The following B3GALT1 variants were observed in gnomAD, a reference collection of about 807,000 sequenced individuals.
B3GALT1 encodes UDP-Gal:betaGlcNAc beta 1,3-galactosyltransferase, polypeptide 1.
In B3GALT1, 10 loss-of-function variants were observed where a neutral mutation model predicts 23.2. The ratio of observed to expected loss-of-function variants is 0.43; its 90% CI spans 0.27 to 0.73. The LOEUF (loss-of-function observed/expected upper bound fraction) is 0.73, where lower values mean the gene tolerates loss of function less well. Ranked by LOEUF, B3GALT1 falls within the 30% of genes least tolerant of loss-of-function variation. The pLI, the probability that B3GALT1 is intolerant of heterozygous loss-of-function variation, is 0.21. For synonymous variants in B3GALT1, 156 were observed against 141.5 expected (o/e 1.10, Z -0.73); for missense variants, 299 against 405.4 (o/e 0.74, Z 2.25).
chr2:167,443,271 A>T (rs1698924409), intron 1 of B3GALT1, among the ~76,000 whole-genome samples: 1 of 152,094 alleles, frequency 6.6e-6, no homozygotes, highest in African/African-American at 2.4e-5. Flanking sequence ...TATTTTGGTT[A>T]CTGTAGCCTT....
At chr2:167,751,527 A>G (rs943291880) in intron 3 of B3GALT1, among the ~76,000 whole-genome samples, 1 of 152,186 alleles carries the variant, frequency 6.6e-6, no homozygotes, top group African/African-American at 2.4e-5. Context: ...GACTTCATCC[A>G]GGGGCTTAAG....
At chr2:167,415,790 A>G (rs1260874122) in intron 1 of B3GALT1, among the ~76,000 whole-genome samples, 1 of 152,208 alleles carries the variant, frequency 6.6e-6, no homozygotes, top group Non-Finnish European at 1.5e-5. Flanking sequence ...CTTGTTGTAA[A>G]CTGGCAAAGA....
chr2:167,865,767 A>G (rs1008998506), intron 4 of B3GALT1, among the ~76,000 whole-genome samples: 17 of 152,142 alleles, frequency 1.1e-4, no homozygotes, highest in African/African-American at 2.4e-4. Flanking sequence ...ACTCCAGCCT[A>G]GGCAACAGAG....
intron 1 of B3GALT1, among the ~76,000 whole-genome samples, chr2:167,412,112 A>G (rs765125728): frequency 9.9e-6 from 1 of 101,262 alleles, no homozygotes; most frequent in African/African-American, 3.3e-5. Context: ...CAAAAAGGTA[A>G]TTAAATGGCA....
intron 3 of B3GALT1, among the ~76,000 whole-genome samples, chr2:167,754,572 C>A (rs1687787072): frequency 6.6e-6 from 1 of 152,126 alleles, no homozygotes; most frequent in Non-Finnish European, 1.5e-5. Flanking sequence ...CTTAAAATAG[C>A]TAAAATCAAC....
intron 4 of B3GALT1, among the ~76,000 whole-genome samples, chr2:167,824,387 G>A (rs1689171916): frequency 1.3e-5 from 2 of 152,352 alleles, no homozygotes; most frequent in East Asian, 3.9e-4. Flanking sequence ...CTTGCAACTT[G>A]CAAAGTTAAT....
intron 3 of B3GALT1, among the ~76,000 whole-genome samples, chr2:167,666,381 A>G (rs969765891): frequency 6.6e-5 from 10 of 152,072 alleles, no homozygotes; most frequent in Non-Finnish European, 1.5e-4. Context: ...TATGTGGTCA[A>G]TTTTGGAATA....
chr2:167,565,886 CT>C (rs1266437930), intron 2 of B3GALT1, among the ~76,000 whole-genome samples: 1 of 151,872 alleles, frequency 6.6e-6, no homozygotes, highest in Non-Finnish European at 1.5e-5. Context: ...AATAGGAACA[CT>C]TTTACACTGT....
At chr2:167,790,589 C>T (rs1688421397) in intron 3 of B3GALT1, among the ~76,000 whole-genome samples, 1 of 152,212 alleles carries the variant, frequency 6.6e-6, no homozygotes, top group Admixed American at 6.5e-5. Context: ...GGAAGTAAAG[C>T]ATTTCTCTGA....
At chr2:167,716,229 C>G (rs377012725) in intron 3 of B3GALT1, among the ~76,000 whole-genome samples, 2 of 152,214 alleles carry the variant, frequency 1.3e-5, no homozygotes, top group African/African-American at 2.4e-5. Context: ...GGGCACCCCC[C>G]ACAGGCCTCA....
chr2:167,595,940 C>T (rs1279124782), intron 2 of B3GALT1, among the ~76,000 whole-genome samples: 1 of 152,104 alleles, frequency 6.6e-6, no homozygotes, highest in Non-Finnish European at 1.5e-5. Flanking sequence ...ATCTTCTTAC[C>T]ACCTAATACT....
At chr2:167,480,966 C>G (rs1224961427) in intron 1 of B3GALT1, among the ~76,000 whole-genome samples, 1 of 152,202 alleles carries the variant, frequency 6.6e-6, no homozygotes, top group Non-Finnish European at 1.5e-5. Context: ...TCCACCTTCA[C>G]TGTGGCCTTG....
Position 167,542,613 on chromosome 2 carries a change from G to C in B3GALT1, c.-410+52336G>C, listed in dbSNP as rs185596102. Among the ~76,000 whole-genome samples the C allele has an allele frequency of 1.3e-5, 2 of 152,258 alleles. 1 individual carries two copies. The highest frequency in any genetic ancestry group is 1.3e-4 in the Admixed American group (2 of 15,306). On this transcript the variant is annotated intron_variant, in intron 2 of 4. Transcript: ENST00000392690. ...ATGGAAGAATATTTGGAAGGACTCTGATCCACTTGTATAAAAGGTACTTTA... is the reference window on the plus strand; with the variant it reads ...ATGGAAGAATATTTGGAAGGACTCTCATCCACTTGTATAAAAGGTACTTTA...
At chr2:167,604,829 C>A (rs1247083796) in intron 2 of B3GALT1, among the ~76,000 whole-genome samples, 2 of 152,116 alleles carry the variant, frequency 1.3e-5, no homozygotes, top group African/African-American at 2.4e-5. Context: ...AGAAGGGAAG[C>A]AAATAGAATA....
chr2:167,559,388 A>G (rs1683923107), intron 2 of B3GALT1, among the ~76,000 whole-genome samples: 1 of 152,156 alleles, frequency 6.6e-6, no homozygotes, highest in Non-Finnish European at 1.5e-5. Flanking sequence ...AAACTCTAAA[A>G]AGCAGAGCGC....
intron 3 of B3GALT1, among the ~76,000 whole-genome samples, chr2:167,700,618 C>A (rs73019309): frequency 6.6e-6 from 1 of 152,056 alleles, no homozygotes; most frequent in Admixed American, 6.5e-5. Context: ...ATGGAACACC[C>A]CTTTGCTGCT....
chr2:167,339,686 A>G (rs1268321553), intron 1 of B3GALT1, among the ~76,000 whole-genome samples: 2 of 152,216 alleles, frequency 1.3e-5, no homozygotes, highest in Non-Finnish European at 2.9e-5. Context: ...TCAGTTAGGT[A>G]ACCGAAATTG....
intron 1 of B3GALT1, among the ~76,000 whole-genome samples, chr2:167,419,916 T>G (rs1000079684): frequency 6.6e-6 from 1 of 152,206 alleles, no homozygotes; most frequent in Non-Finnish European, 1.5e-5. Context: ...AAGCCACTGC[T>G]ATAATGAGAG....
intron 1 of B3GALT1, among the ~76,000 whole-genome samples, chr2:167,402,393 T>G (rs752416366): frequency 7.2e-5 from 11 of 152,144 alleles, no homozygotes; most frequent in Non-Finnish European, 1.3e-4. Flanking sequence ...TCTGGAAACA[T>G]GCATTTAAGC....
Sources: allele counts gnomAD v4.1 joint callset (sites outside exome capture counted in the v4.1 genomes callset), GRCh38; gene constraint gnomAD v4.1.1; transcripts MANE v1.5; gene names NCBI Gene and HGNC (gene_info 2026-07-23, HGNC 2026-07-21).